The following DSTYK variants were observed in gnomAD, a reference collection of about 807,000 sequenced individuals.
The protein encoded by DSTYK is dual serine/threonine and tyrosine protein kinase, also known as RIP-homologous kinase.
Under a neutral mutation model 98.7 loss-of-function variants are expected in DSTYK, and 34 were observed. That is an observed-to-expected ratio of 0.34 (90% CI 0.26 to 0.46). The LOEUF (loss-of-function observed/expected upper bound fraction) is 0.46, where lower values mean the gene tolerates loss of function less well. DSTYK is among the 20% of genes least tolerant of loss of function. The probability of loss-of-function intolerance (pLI) is 1.00; values close to 1 mark genes in which losing one functional copy is unlikely to be tolerated. For synonymous variants in DSTYK, 462 were observed against 457.3 expected, an observed-to-expected ratio of 1.01 and a Z score of -0.13; for missense variants, 962 against 1,181.7, an observed-to-expected ratio of 0.81 and a Z score of 2.73.
At chr1:205,200,212 A>G (rs1658987408) in intron 1 of DSTYK, among the ~76,000 whole-genome samples, 1 of 151,896 alleles carries the variant, frequency 6.6e-6, no homozygotes, top group Non-Finnish European at 1.5e-5. Flanking sequence ...GATTTTTTGT[A>G]TTTTTAGTAG....
At chr1:205,184,487 G>C (rs1460247565) in intron 2 of DSTYK, among the ~76,000 whole-genome samples, 1 of 151,934 alleles carries the variant, frequency 6.6e-6, no homozygotes, top group Non-Finnish European at 1.5e-5. Flanking sequence ...AAAGAGAATC[G>C]CTTGAACCCG....
At chr1:205,163,680 T>C (rs1355574818) in intron 4 of DSTYK, 43 bp downstream of exon 4, 5 of 1,493,890 alleles carry the variant, frequency 3.3e-6, no homozygotes, top group Non-Finnish European at 4.6e-6. Flanking sequence ...ATTTTTCATG[T>C]GCTATCTATG....
intron 10 of DSTYK, among the ~76,000 whole-genome samples, chr1:205,155,646 A>G (rs529497592): frequency 2.0e-5 from 3 of 152,032 alleles, no homozygotes; most frequent in Admixed American, 1.3e-4. Flanking sequence ...CAACAGAGCG[A>G]GACTCCATCT....
chr1:205,157,450 T>C, intron 9 of DSTYK, 64 bp from the exon 10 acceptor site: 5 of 1,328,624 alleles, frequency 3.8e-6, no homozygotes, highest in Non-Finnish European at 5.4e-6. Flanking sequence ...CTGACTATAC[T>C]AGGGCACATG....
chr1:205,198,228 C>G (rs1436129917), intron 1 of DSTYK, among the ~76,000 whole-genome samples: 2 of 152,004 alleles, frequency 1.3e-5, no homozygotes, highest in African/African-American at 4.8e-5. Context: ...AAGAAACCAA[C>G]AGAGGAAGCT....
Position 205,211,567 on chromosome 1 carries a change from T to C in DSTYK, c.-32A>G. On this transcript the variant is annotated 5_prime_UTR_variant, in exon 1 of 13. Coordinates refer to ENST00000367162, the MANE Select transcript of DSTYK (RefSeq NM_015375.3). ...TGCCCGCTCTGTCTTTGCGGCTCGG[T>C]CCCCGGCCGCAGGCCCGGCCTCCCT... 1 of 1,422,776 alleles carries C rather than the reference T, an allele frequency of 7.0e-7. No homozygotes were observed. The highest frequency in any genetic ancestry group is 2.8e-5 in the East Asian group (1 of 35,300). 88.1% of individuals were successfully genotyped at this position (1,422,776 alleles called of 1,614,324 possible).
chr1:205,195,603 A>G (rs1658842814), intron 1 of DSTYK, among the ~76,000 whole-genome samples: 1 of 152,210 alleles, frequency 6.6e-6, no homozygotes, highest in African/African-American at 2.4e-5. Flanking sequence ...GGGGATGGTT[A>G]TTGAAGATTA....
intron 1 of DSTYK, among the ~76,000 whole-genome samples, chr1:205,192,681 G>A: frequency 6.6e-6 from 1 of 151,954 alleles, no homozygotes; most frequent in Non-Finnish European, 1.5e-5. Flanking sequence ...AGCCAATATG[G>A]TGAAACCCCA....
chr1:205,189,707 T>A lies in DSTYK; in HGVS notation c.266-1901A>T, dbSNP rs560060592. 2.8e-4 allele frequency among the ~76,000 whole-genome samples: 42 copies of A among 152,306 alleles called. No homozygotes were observed. The South Asian group carries it at 8.3e-3, about 30-fold the overall frequency. On this transcript the variant is annotated intron_variant, in intron 1 of 12. Transcript: ENST00000367162. ...CCAAAAGGGTTAAAGAGGTCTGTGTTCACGCAGATCCCTCTATGCATTTCA... is the reference window on the plus strand; with the variant it reads ...CCAAAAGGGTTAAAGAGGTCTGTGTACACGCAGATCCCTCTATGCATTTCA...
In DSTYK at chr1:205,211,360, T is replaced by C; in HGVS notation, c.176A>G (p.His59Arg). The C allele has an allele frequency of 3.1e-6, 5 of 1,612,518 alleles. 1 individual carries two copies. The highest frequency in any genetic ancestry group is 1.7e-4 in the Middle Eastern group (1 of 6,054). The change falls in exon 1 of 13, where the codon CAC (histidine) becomes CGC (arginine). Residue 59 changes from histidine (H) to arginine (R), a missense_variant. Physicochemically the swap from His to Arg is conservative, Grantham distance 29. This residue lies in a region of DSTYK where 168 missense variants were observed against 120.0 expected (regional missense o/e 1.40). Coordinates refer to ENST00000367162, the MANE Select transcript of DSTYK (RefSeq NM_015375.3). ...GAGGGAGGAGAGACAAGTGTGGTTG[T>C]GGGAGCACTTGATGTCGCGGAAGAA... ...QKFFRDIKCS[H>R]NHTCLSSLTG...
chr1:205,151,969 G>A (rs902843977), intron 10 of DSTYK, among the ~76,000 whole-genome samples: 3 of 152,020 alleles, frequency 2.0e-5, no homozygotes, highest in African/African-American at 7.2e-5. Flanking sequence ...TAAAAGGTAT[G>A]AAAAGATAAA....
chr1:205,191,238 T>A (rs1413180087), intron 1 of DSTYK, among the ~76,000 whole-genome samples: 1 of 152,218 alleles, frequency 6.6e-6, no homozygotes, highest in African/African-American at 2.4e-5. Context: ...TCCAAGCTCT[T>A]TGCTTCTCCC....
At chr1:205,172,931 C>G (rs532681778) in intron 2 of DSTYK, 31 of 152,290 alleles carry the variant, frequency 2.0e-4, no homozygotes, top group African/African-American at 7.5e-4. Flanking sequence ...AACAAACCCC[C>G]TTTCACTACC....
At chr1:205,165,863 G>A (rs1489934018) in intron 3 of DSTYK, among the ~76,000 whole-genome samples, 1 of 151,930 alleles carries the variant, frequency 6.6e-6, no homozygotes, top group African/African-American at 2.4e-5. Context: ...GTGTGATGGT[G>A]CACACCTTTA....
intron 2 of DSTYK, among the ~76,000 whole-genome samples, chr1:205,176,476 T>TAAAAAAAAAAAAAAAAAA (rs61291677): frequency 6.9e-5 from 3 of 43,196 alleles, no homozygotes; most frequent in African/African-American, 7.1e-5. Flanking sequence ...AACTCCCTCT[T>TAAAAAAAAAAAAAAAAAA]AAAAAAAAAA....
intron 2 of DSTYK, among the ~76,000 whole-genome samples, chr1:205,185,750 G>A (rs1227206467): frequency 5.3e-5 from 8 of 152,158 alleles, no homozygotes; most frequent in Middle Eastern, 3.2e-3. Context: ...GTAGCCAGGC[G>A]TGGTGGCTCA....
At chr1:205,153,070 A>G (rs1041146307) in intron 10 of DSTYK, among the ~76,000 whole-genome samples, 5 of 152,144 alleles carry the variant, frequency 3.3e-5, no homozygotes, top group African/African-American at 1.2e-4. Context: ...AGCTAAGGAG[A>G]GTTTCCTAAA....
In DSTYK at chr1:205,159,554, C is replaced by T; in HGVS notation, c.2231G>A (p.Gly744Glu). The change falls in exon 9 of 13, where the codon GGG (glycine) becomes GAG (glutamate). Residue 744 changes from glycine (G) to glutamate (E), a missense_variant. Gly to Glu is a moderately conservative substitution (Grantham distance 98). Transcript: ENST00000367162. ...ATCTTGCTCTCTCCTTACCTTCAGC[C>T]CTGTGTAGAGATCCCGGTGTAGCCG... ...MERLHRDLYTGLKAGLTLETR... is the reference protein window; with the variant it reads ...MERLHRDLYTELKAGLTLETR... 6.2e-7 allele frequency: 1 copy of T among 1,611,328 alleles called. No homozygotes were observed. Among genetic ancestry groups the T allele is most frequent in the Non-Finnish European group, 8.5e-7 (1 of 1,178,938 alleles).
intron 2 of DSTYK, among the ~76,000 whole-genome samples, chr1:205,182,498 T>TAAAAAAACAAAAA (rs1658437171): frequency 1.3e-5 from 1 of 77,738 alleles, no homozygotes; most frequent in Non-Finnish European, 2.2e-5. Flanking sequence ...TTAAAAACGG[T>TAAAAAAACAAAAA]AAAAAAAAAA....
Sources: allele counts gnomAD v4.1 joint callset (sites outside exome capture counted in the v4.1 genomes callset), GRCh38; gene constraint gnomAD v4.1.1; regional missense constraint gnomAD v4.1.1; transcripts MANE v1.5; gene names NCBI Gene and HGNC (gene_info 2026-07-23, HGNC 2026-07-21).